SIK2: variants seen among roughly 807,000 people sequenced by gnomAD.
SIK2 encodes serine/threonine-protein kinase SIK2.
SIK2 carries 29 observed loss-of-function variants against 103.2 expected under a neutral mutation model. That is an observed-to-expected ratio of 0.28 (90% confidence interval 0.21 to 0.38). The LOEUF (loss-of-function observed/expected upper bound fraction) is 0.38. Ranked by LOEUF, SIK2 falls within the 10% of genes least tolerant of loss-of-function variation. SIK2 has a pLI of 1.00. For missense variants in SIK2, 879 were observed against 1,171.0 expected (o/e 0.75, Z 3.64); for synonymous variants, 412 against 446.1 (o/e 0.92, Z 0.96).
At chr11:111,704,628 C>T (rs1425430140) in intron 7 of SIK2, among the ~76,000 whole-genome samples, 1 of 152,140 alleles carries the variant, frequency 6.6e-6, no homozygotes, top group Non-Finnish European at 1.5e-5. Context: ...GCTCAGGTTG[C>T]TAACTGACCT....
At chr11:111,677,894 G>A (rs1157737284) in intron 3 of SIK2, among the ~76,000 whole-genome samples, 1 of 152,148 alleles carries the variant, frequency 6.6e-6, no homozygotes, top group Admixed American at 6.5e-5. Flanking sequence ...ATTAACCTGA[G>A]TTTACAGTTT....
At chr11:111,683,188 G>T in intron 3 of SIK2, 1 of 155,154 alleles carries the variant, frequency 6.4e-6, no homozygotes. Flanking sequence ...TGGCTGGCTA[G>T]ATGGCTGTCC....
intron 4 of SIK2, among the ~76,000 whole-genome samples, chr11:111,696,660 A>C (rs1943077694): frequency 6.6e-6 from 1 of 152,198 alleles, no homozygotes; most frequent in African/African-American, 2.4e-5. Context: ...CGAATGCCCA[A>C]GTGATTGTTT....
intron 9 of SIK2, among the ~76,000 whole-genome samples, chr11:111,713,800 C>T (rs1943566443): frequency 6.6e-6 from 1 of 152,108 alleles, no homozygotes; most frequent in African/African-American, 2.4e-5. Context: ...AACTCCGTCT[C>T]TACTAAAAAT....
At chr11:111,648,977 A>G (rs1384645250) in intron 3 of SIK2, among the ~76,000 whole-genome samples, 2 of 152,096 alleles carry the variant, frequency 1.3e-5, no homozygotes, top group African/African-American at 2.4e-5. Context: ...CTCCCTACCA[A>G]TTATGGTCTC....
intron 3 of SIK2, among the ~76,000 whole-genome samples, chr11:111,656,536 G>A (rs1942393799): frequency 6.6e-6 from 1 of 152,130 alleles, no homozygotes; most frequent in Non-Finnish European, 1.5e-5. Context: ...CATAGTAGTT[G>A]TCGCCATTTT....
At position 111,701,991 on chromosome 11, in the gene SIK2, C is replaced by T. The variant is rs1943222082; in HGVS notation, c.727+416C>T. 6.6e-6 allele frequency among the ~76,000 whole-genome samples: 1 copy of T among 152,172 alleles called. No homozygotes were observed. The highest frequency in any genetic ancestry group is 1.5e-5 in the Non-Finnish European group (1 of 68,030). On this transcript the variant is annotated intron_variant, in intron 6 of 14. Transcript: ENST00000304987. This position sits in a 1 kb window ranked among gnomAD's most constrained non-coding sequence, Gnocchi z 4.2. ...AAATTCAGATGATATGCCATAATCC[C>T]TGCCTGTCGTGTATTGAGCTGTTAC...
chr11:111,671,760 C>T (rs1392074018), intron 3 of SIK2: 4 of 410,094 alleles, frequency 9.8e-6, no homozygotes, highest in African/African-American at 8.3e-5. Context: ...GACTCCAGCT[C>T]TGCTTTGTTC....
At chr11:111,614,452 A>G (rs947413861) in intron 1 of SIK2, among the ~76,000 whole-genome samples, 5 of 152,226 alleles carry the variant, frequency 3.3e-5, no homozygotes, top group Non-Finnish European at 7.4e-5. Flanking sequence ...GAAACAGTCC[A>G]TTAACACATA....
intron 3 of SIK2, among the ~76,000 whole-genome samples, chr11:111,687,331 G>A (rs892016342): frequency 2.3e-4 from 35 of 151,566 alleles, no homozygotes; most frequent in African/African-American, 7.5e-4. Flanking sequence ...CCTGGCCAAC[G>A]TGATGAAACC....
At chr11:111,648,621 T>TTA (rs1942288981) in intron 3 of SIK2, among the ~76,000 whole-genome samples, 1 of 151,788 alleles carries the variant, frequency 6.6e-6, no homozygotes, top group African/African-American at 2.4e-5. Flanking sequence ...GTAAATATAT[T>TTA]TATACATGAA....
At chr11:111,646,135 T>C (rs190485734) in intron 3 of SIK2, among the ~76,000 whole-genome samples, 1 of 151,932 alleles carries the variant, frequency 6.6e-6, no homozygotes, top group Non-Finnish European at 1.5e-5. Context: ...ATGATTGACA[T>C]ACAATAAACT....
In SIK2 at chr11:111,724,371, C is replaced by T. The variant is rs572901294; in HGVS notation, c.*242C>T. 36 of 547,394 alleles carry T rather than the reference C, an allele frequency of 6.6e-5. No homozygotes were observed. In the East Asian group the frequency reaches 8.4e-4, roughly 13 times the overall value. The allele number at this position is 547,394 out of a possible 1,614,324, so 33.9% of individuals were successfully genotyped here. ...GTTGTAGGCTGAGGCTCCTGCCCTT[C>T]GGTCGAGTGGAGCAAGCTCTCGAGG... On this transcript the variant is annotated 3_prime_UTR_variant, in exon 15 of 15. Coordinates refer to ENST00000304987, the MANE Select transcript of SIK2 (RefSeq NM_015191.3).
At chr11:111,657,460 G>A (rs1305176042) in intron 3 of SIK2, among the ~76,000 whole-genome samples, 5 of 152,126 alleles carry the variant, frequency 3.3e-5, no homozygotes, top group Admixed American at 3.3e-4. Flanking sequence ...TGCAGCCATG[G>A]CTCACTGCAG....
chr11:111,641,682 C>T (rs1319658301), intron 3 of SIK2, among the ~76,000 whole-genome samples: 4 of 152,180 alleles, frequency 2.6e-5, no homozygotes, highest in Non-Finnish European at 5.9e-5. Context: ...CAGATTTTCA[C>T]TTTATTTCTT....
chr11:111,721,976 C>A, intron 13 of SIK2, 36 bp downstream of exon 13: 1 of 1,472,406 alleles, frequency 6.8e-7, no homozygotes, highest in Non-Finnish European at 9.2e-7. Flanking sequence ...CCTCACTCTG[C>A]TCATCCAGAA....
rs949056723 is a variant in SIK2, at chr11:111,722,081, TG to T, written c.2055+143del. On this transcript the variant is annotated intron_variant, in intron 13 of 14. Coordinates refer to ENST00000304987, the MANE Select transcript of SIK2 (RefSeq NM_015191.3). The surrounding 1 kb of genome is among the most constrained non-coding windows in gnomAD (Gnocchi z 4.4). ...AGGCAAGTAGCTTTGACTCTGTACT[TG>T]GAGTTTCTAGAAACGTGTTCAGATC... 8 of 573,330 alleles carry T rather than the reference TG, an allele frequency of 1.4e-5. No individual in the cohort carries two copies. Among genetic ancestry groups the T allele is most frequent in the African/African-American group, 1.3e-4 (7 of 53,252 alleles). The allele number at this position is 573,330 out of a possible 1,614,324, so 35.5% of individuals were successfully genotyped here.
At chr11:111,605,344 G>A (rs187633850) in intron 1 of SIK2, among the ~76,000 whole-genome samples, 2 of 152,040 alleles carry the variant, frequency 1.3e-5, no homozygotes, top group Admixed American at 6.6e-5. Flanking sequence ...ATCCTTATTC[G>A]TTCATTCACT....
intron 3 of SIK2, among the ~76,000 whole-genome samples, chr11:111,687,482 T>G (rs1942861016): frequency 7.4e-6 from 1 of 135,318 alleles, no homozygotes; most frequent in Non-Finnish European, 1.5e-5. Flanking sequence ...GCCACTACAC[T>G]CCAGCCTGGG....
Sources: gnomAD v4.1 joint callset for allele counts (sites outside exome capture counted in the v4.1 genomes callset) on GRCh38, gnomAD v4.1.1 for gene constraint, Gnocchi (gnomAD v3.1) non-coding constraint, MANE v1.5 for transcripts, NCBI Gene and HGNC (gene_info 2026-07-23, HGNC 2026-07-21) for gene names.